The following RBFOX3 variants were observed in gnomAD, a reference collection of about 807,000 sequenced individuals.
The protein encoded by RBFOX3 is RNA binding protein fox-1 homolog 3.
A neutral mutation model predicts 48.7 loss-of-function variants in RBFOX3; 17 were observed. That is an observed-to-expected ratio of 0.35 (90% CI 0.24 to 0.52). The LOEUF (loss-of-function observed/expected upper bound fraction) is 0.52, where lower values mean the gene tolerates loss of function less well. Ranked by LOEUF, RBFOX3 falls within the 20% of genes least tolerant of loss-of-function variation. RBFOX3 has a pLI of 0.94. For missense variants in RBFOX3, 382 were observed against 497.5 expected (o/e 0.77, Z 2.21); for synonymous variants, 212 against 209.5 (o/e 1.01, Z -0.10).
At chr17:79,467,666 C>T (rs930027077) in intron 2 of RBFOX3, among the ~76,000 whole-genome samples, 23 of 152,280 alleles carry the variant, frequency 1.5e-4, no homozygotes, top group East Asian at 7.7e-4. Flanking sequence ...TTAGGGCCTC[C>T]GGCTTCCATC....
chr17:79,540,931 CT>C (rs1472066782), intron 1 of RBFOX3, among the ~76,000 whole-genome samples: 1 of 152,168 alleles, frequency 6.6e-6, no homozygotes, highest in Non-Finnish European at 1.5e-5. Flanking sequence ...AAGAAAGTTC[CT>C]TCTCGCCCCT....
chr17:79,446,932 C>A (rs1555738738), intron 2 of RBFOX3, among the ~76,000 whole-genome samples: 1 of 152,190 alleles, frequency 6.6e-6, no homozygotes, highest in African/African-American at 2.4e-5. Context: ...CTGAGAGAAG[C>A]CAAGGACTCT....
At chr17:79,206,512 T>C (rs2057505468) in intron 4 of RBFOX3, among the ~76,000 whole-genome samples, 1 of 151,460 alleles carries the variant, frequency 6.6e-6, no homozygotes, top group African/African-American at 2.4e-5. Context: ...TGTGATGAGC[T>C]GGACATAGTA....
In RBFOX3 at chr17:79,111,022, A is replaced by G. The variant is rs571221170; in HGVS notation, c.223-4234T>C. On this transcript the variant is annotated intron_variant, in intron 5 of 14. Coordinates refer to ENST00000693108, the MANE Select transcript of RBFOX3 (RefSeq NM_001350451.2). The surrounding 1 kb of genome is among the most constrained non-coding windows in gnomAD (Gnocchi z 4.2). ...AGGGCTGCAGCTCCTGGCTGAGGGG[A>G]GAGGGCCTTGGCCAGACTGTGAAGC... Among the ~76,000 whole-genome samples the G allele has an allele frequency of 1.4e-4, 22 of 152,334 alleles. 1 individual carries two copies. The South Asian group carries it at 4.6e-3, about 32-fold the overall frequency.
intron 1 of RBFOX3, among the ~76,000 whole-genome samples, chr17:79,549,344 C>T (rs1274981282): frequency 7.2e-5 from 11 of 152,244 alleles, no homozygotes; most frequent in Non-Finnish European, 1.5e-5. Context: ...GGGGCTCATC[C>T]GTCCGGCACA....
chr17:79,329,630 C>T (rs2079907716), intron 2 of RBFOX3, among the ~76,000 whole-genome samples: 1 of 152,152 alleles, frequency 6.6e-6, no homozygotes, highest in Admixed American at 6.5e-5. Context: ...CCCTCTGGTC[C>T]ATGTCTCTCA....
At chr17:79,400,818 C>T (rs551370652) in intron 2 of RBFOX3, among the ~76,000 whole-genome samples, 2 of 152,266 alleles carry the variant, frequency 1.3e-5, no homozygotes, top group Non-Finnish European at 2.9e-5. Context: ...GTCTCTGCAT[C>T]AGTCAGGCCA....
At chr17:79,115,445 C>A in intron 5 of RBFOX3, 49 bp downstream of exon 5, 2 of 1,195,626 alleles carry the variant, frequency 1.7e-6, no homozygotes, top group Non-Finnish European at 2.1e-6. Flanking sequence ...TGGGTGGGTG[C>A]TCCTCCCTGA....
chr17:79,481,476 A>G lies in RBFOX3; in HGVS notation c.-175+978T>C, dbSNP rs899365680. Among the ~76,000 whole-genome samples, 1 of 151,466 alleles carries G rather than the reference A, an allele frequency of 6.6e-6. No homozygotes were observed. Among genetic ancestry groups the G allele is most frequent in the Non-Finnish European group, 1.5e-5 (1 of 67,846 alleles). On this transcript the variant is annotated intron_variant, in intron 2 of 14. Coordinates refer to ENST00000693108, the MANE Select transcript of RBFOX3 (RefSeq NM_001350451.2). This position sits in a 1 kb window ranked among gnomAD's most constrained non-coding sequence, Gnocchi z 5.4. ...TGTCTTCTGTTATTCATAAAAAGCCACTCCTGACCACACCTGACCGTGTGC... is the reference window on the plus strand; with the variant it reads ...TGTCTTCTGTTATTCATAAAAAGCCGCTCCTGACCACACCTGACCGTGTGC...
chr17:79,117,505 C>T (rs915208163), intron 4 of RBFOX3, among the ~76,000 whole-genome samples: 5 of 152,326 alleles, frequency 3.3e-5, no homozygotes, highest in African/African-American at 1.2e-4. Context: ...GGGCTGCCCC[C>T]GCAGGGCGGT....
At chr17:79,656,786 G>GA in the RBFOX3 span, among the ~76,000 whole-genome samples, 858 of 2,834 alleles carry the variant, frequency 0.3, 52 homozygotes, top group East Asian at 0.49. Context: ...AGGAAAGAAA[G>GA]AAAGAAAGAA....
At chr17:79,557,127 C>G in intron 1 of RBFOX3, among the ~76,000 whole-genome samples, 1 of 150,380 alleles carries the variant, frequency 6.6e-6, no homozygotes, top group Non-Finnish European at 1.5e-5. Context: ...CACCTGTAAT[C>G]CCAGCTACTC....
intron 1 of RBFOX3, among the ~76,000 whole-genome samples, chr17:79,540,342 G>C (rs1348479436): frequency 6.6e-6 from 1 of 152,252 alleles, no homozygotes; most frequent in African/African-American, 2.4e-5. Flanking sequence ...GCCTGACAGT[G>C]CCCGGTGCAC....
At chr17:79,301,949 G>T (rs1366172055) in intron 3 of RBFOX3, among the ~76,000 whole-genome samples, 1 of 152,184 alleles carries the variant, frequency 6.6e-6, no homozygotes, top group Non-Finnish European at 1.5e-5. Flanking sequence ...CTAGGGACTG[G>T]GGGAGGGGGT....
At chr17:79,595,155 G>C in intron 1 of RBFOX3, among the ~76,000 whole-genome samples, 1 of 151,710 alleles carries the variant, frequency 6.6e-6, no homozygotes, top group Non-Finnish European at 1.5e-5. Flanking sequence ...TCGGTATTGA[G>C]AGAAACGAGC....
intron 2 of RBFOX3, among the ~76,000 whole-genome samples, chr17:79,379,124 C>T (rs1399137584): frequency 1.3e-5 from 2 of 152,228 alleles, no homozygotes; most frequent in Admixed American, 1.3e-4. Flanking sequence ...CCACTCCCAG[C>T]CCCATCCTGG....
chr17:79,229,660 C>CA (rs1334894804), intron 4 of RBFOX3, among the ~76,000 whole-genome samples: 1 of 151,202 alleles, frequency 6.6e-6, no homozygotes, highest in East Asian at 1.9e-4. Flanking sequence ...TTTGGGGTGG[C>CA]ATGAGGAGGT....
Position 79,090,747 on chromosome 17 carries a change from TGGA to T in RBFOX3, c.*133_*135del. 1.8e-6 allele frequency: 2 copies of T among 1,106,502 alleles called. No homozygotes were observed. Among genetic ancestry groups the T allele is most frequent in the Non-Finnish European group, 2.5e-6 (2 of 786,702 alleles). The allele number at this position is 1,106,502 out of a possible 1,614,324, so 68.5% of individuals were successfully genotyped here. ...CCAGGACGCGGGACTTGGACTTGGT[TGGA>T]TGCCTCTTGGTTTGGTTGGTTTTTT... On this transcript the variant is annotated 3_prime_UTR_variant, in exon 15 of 15. Transcript: ENST00000693108.
In RBFOX3 at chr17:79,095,614, G is replaced by C. The variant is rs566872152; in HGVS notation, c.937-40C>G. 13 of 1,528,298 alleles carry C rather than the reference G, an allele frequency of 8.5e-6. No individual in the cohort carries two copies. In the South Asian group the frequency reaches 1.2e-4, roughly 14 times the overall value. 94.7% of individuals were successfully genotyped at this position (1,528,298 alleles called of 1,614,324 possible). A position where few individuals can be genotyped will look rare whatever the true frequency, so the allele number is the denominator to read the frequency against. The stretch of plus-strand genomic sequence containing the variant: ...GGAGGAGAGAGAGCAGAGGGACTTA[G>C]TGGGGCTCCCCAGGGAAAGGCTGAG... On this transcript the variant is annotated intron_variant, in intron 12 of 14. Coordinates refer to ENST00000693108, the MANE Select transcript of RBFOX3 (RefSeq NM_001350451.2).
Sources: allele counts gnomAD v4.1 joint callset (sites outside exome capture counted in the v4.1 genomes callset), GRCh38; gene constraint gnomAD v4.1.1; non-coding constraint Gnocchi (gnomAD v3.1); transcripts MANE v1.5; gene names NCBI Gene and HGNC (gene_info 2026-07-23, HGNC 2026-07-21).